The following ZGRF1 variants were observed in gnomAD, a reference collection of about 807,000 sequenced individuals.
ZGRF1 encodes 5'-3' DNA helicase ZGRF1.
ZGRF1 carries 196 observed loss-of-function variants against 203.5 expected under a neutral mutation model. That is an observed-to-expected ratio of 0.96 (90% confidence interval 0.86 to 1.08). The LOEUF (loss-of-function observed/expected upper bound fraction) is 1.08. Ranked by LOEUF, ZGRF1 falls within the 50% of genes least tolerant of loss-of-function variation. ZGRF1 has a pLI of 0.00. For missense variants in ZGRF1, 2,326 were observed against 2,416.3 expected (o/e 0.96, Z 0.78); for synonymous variants, 809 against 841.3 (o/e 0.96, Z 0.66).
At chr4:112,550,170 C>T (rs942408681) in intron 22 of ZGRF1, among the ~76,000 whole-genome samples, 30 of 150,646 alleles carry the variant, frequency 2.0e-4, no homozygotes, top group African/African-American at 6.8e-4. Flanking sequence ...CCAGCCTGGG[C>T]GACAGAGCGA....
intron 21 of ZGRF1, 59 bp from the exon 22 acceptor site, chr4:112,554,041 G>A: frequency 1.4e-6 from 2 of 1,428,884 alleles, no homozygotes; most frequent in Non-Finnish European, 1.9e-6. Context: ...TCACAGTAAA[G>A]CAAAATATAG....
chr4:112,589,832 AAACAGGGC>A lies in ZGRF1; in HGVS notation c.3011_3018del (p.Ser1004IlefsTer10). 6.2e-7 allele frequency: 1 copy of A among 1,613,388 alleles called. No individual in the cohort carries two copies. Among genetic ancestry groups the A allele is most frequent in the South Asian group, 1.1e-5 (1 of 90,984 alleles). ...TCTCTTGAGTTCAAAGAAAAGGTAG[AAACAGGGC>A]TCAATGTAGAGATGTTTTCTTCTGG... On this transcript the variant is annotated frameshift_variant, in exon 11 of 28. Coordinates refer to ENST00000505019, the MANE Select transcript of ZGRF1 (RefSeq NM_018392.5). LOFTEE classifies it high-confidence loss of function.
chr4:112,583,098 G>A (rs577640412), intron 15 of ZGRF1, among the ~76,000 whole-genome samples: 5 of 152,124 alleles, frequency 3.3e-5, no homozygotes, highest in East Asian at 1.9e-4. Flanking sequence ...AACTTATTCC[G>A]ATATCTCCAT....
intron 14 of ZGRF1, among the ~76,000 whole-genome samples, chr4:112,584,874 A>C (rs1362515981): frequency 6.6e-6 from 1 of 152,170 alleles, no homozygotes; most frequent in African/African-American, 2.4e-5. Context: ...CATTTTACTA[A>C]CCTGACTTCC....
chr4:112,579,942 CA>C (rs1406365477), intron 16 of ZGRF1, among the ~76,000 whole-genome samples: 1 of 122,234 alleles, frequency 8.2e-6, no homozygotes, highest in East Asian at 2.4e-4. Flanking sequence ...CACATGGAAC[CA>C]AAAAAGAGCC....
chr4:112,622,346 C>T (rs1414277857), intron 4 of ZGRF1, among the ~76,000 whole-genome samples: 1 of 151,452 alleles, frequency 6.6e-6, no homozygotes, highest in African/African-American at 2.4e-5. Context: ...TGGTGAAACC[C>T]CATCTCTACT....
intron 16 of ZGRF1, chr4:112,564,950 C>A (rs973890581): frequency 1.3e-6 from 1 of 797,840 alleles, no homozygotes; most frequent in Admixed American, 1.8e-5. Flanking sequence ...AAGCTCCAGC[C>A]GAAGGAGAAA....
chr4:112,540,017 C>G lies in ZGRF1; in HGVS notation c.6018G>C (p.Leu2006=). ...CTACTTGTCTTGTCCTTACACAGGA[C>G]AGAATAATGATCTCCTTTTCAGCTC... is the stretch of plus-strand genomic sequence containing the variant. The part of the protein sequence containing the change: ...FQGAEKEIII[L]SCVRTRQVGF... The change falls in exon 27 of 28, where the codon CTG becomes CTC. Residue 2006 remains leucine (L), a synonymous_variant. Transcript: ENST00000505019. 1.2e-6 allele frequency: 2 copies of G among 1,613,024 alleles called. No homozygotes were observed. Among genetic ancestry groups the G allele is most frequent in the African/African-American group, 1.3e-5 (1 of 74,998 alleles).
chr4:112,600,773 A>T (rs1749825869), intron 10 of ZGRF1, among the ~76,000 whole-genome samples: 1 of 152,052 alleles, frequency 6.6e-6, no homozygotes, highest in Non-Finnish European at 1.5e-5. Flanking sequence ...GTAGCAGAAC[A>T]CGTTCCTTAT....
At chr4:112,605,388 T>C (rs1468218002) in intron 9 of ZGRF1, among the ~76,000 whole-genome samples, 2 of 152,188 alleles carry the variant, frequency 1.3e-5, no homozygotes, top group African/African-American at 2.4e-5. Flanking sequence ...CTCGAACTCC[T>C]GGCCTCAAGT....
At chr4:112,586,071 T>C (rs1298304501) in intron 13 of ZGRF1, among the ~76,000 whole-genome samples, 3 of 152,042 alleles carry the variant, frequency 2.0e-5, no homozygotes, top group Non-Finnish European at 4.4e-5. Flanking sequence ...TGAGACCTCA[T>C]TTCTGCTAAA....
Position 112,586,500 on chromosome 4 carries a change from TG to T in ZGRF1, c.3860del (p.Pro1287GlnfsTer19), listed in dbSNP as rs1294054648. 2 of 1,613,270 alleles carry T rather than the reference TG, an allele frequency of 1.2e-6. No homozygotes were observed. The highest frequency in any genetic ancestry group is 1.7e-6 in the Non-Finnish European group (2 of 1,179,524). On this transcript the variant is annotated frameshift_variant, in exon 13 of 28. Coordinates refer to ENST00000505019, the MANE Select transcript of ZGRF1 (RefSeq NM_018392.5). LOFTEE classifies it high-confidence loss of function. Reference protein sequence around the residue: ...AYLPQRQIHIPAVFQSPAHYK... With the variant: ...AYLPQRQIHIXAVFQSPAHYK... ...AATGAGCAGGAGACTGAAAAACAGCTGGTATGTGAATTTGCCTTTGGGGAAG... is the reference window on the plus strand; with the variant it reads ...AATGAGCAGGAGACTGAAAAACAGCTGTATGTGAATTTGCCTTTGGGGAAG...
intron 3 of ZGRF1, among the ~76,000 whole-genome samples, chr4:112,630,222 G>C (rs1353928531): frequency 1.3e-5 from 2 of 151,216 alleles, no homozygotes; most frequent in Non-Finnish European, 2.9e-5. Flanking sequence ...AGTAGGGCCA[G>C]GCGCAGTGGC....
chr4:112,591,163 C>T (rs1280782565), intron 10 of ZGRF1, among the ~76,000 whole-genome samples: 2 of 152,022 alleles, frequency 1.3e-5, no homozygotes, highest in Non-Finnish European at 2.9e-5. Context: ...TTACTATATG[C>T]CAACACTATA....
intron 26 of ZGRF1, 138 bp downstream of exon 26, chr4:112,540,683 T>C: frequency 7.4e-6 from 4 of 540,202 alleles, no homozygotes; most frequent in Non-Finnish European, 1.2e-5. Flanking sequence ...AATCAGAATG[T>C]TTCTTTTTTA....
At chr4:112,602,996 C>T (rs2149093670) in intron 10 of ZGRF1, among the ~76,000 whole-genome samples, 1 of 151,610 alleles carries the variant, frequency 6.6e-6, no homozygotes, top group Non-Finnish European at 1.5e-5. Flanking sequence ...TTACTTATTT[C>T]ATATATGTAT....
chr4:112,610,014 C>G (rs1290438730), intron 7 of ZGRF1, among the ~76,000 whole-genome samples: 1 of 150,580 alleles, frequency 6.6e-6, no homozygotes, highest in African/African-American at 2.4e-5. Context: ...TGGCATGCAC[C>G]TGTAGTCCCA....
intron 16 of ZGRF1, among the ~76,000 whole-genome samples, chr4:112,569,281 T>C (rs547364921): frequency 6.6e-6 from 1 of 152,368 alleles, no homozygotes; most frequent in African/African-American, 2.4e-5. Context: ...CAGTTTGTTA[T>C]TGGTCTGTAA....
chr4:112,572,511 A>T (rs563208945), intron 16 of ZGRF1, among the ~76,000 whole-genome samples: 1 of 152,346 alleles, frequency 6.6e-6, no homozygotes, highest in South Asian at 2.1e-4. Context: ...CCAAAAACCC[A>T]AAAGCAAATA....
Sources: allele counts gnomAD v4.1 joint callset (sites outside exome capture counted in the v4.1 genomes callset), GRCh38; gene constraint gnomAD v4.1.1; transcripts MANE v1.5; gene names NCBI Gene and HGNC (gene_info 2026-07-23, HGNC 2026-07-21).